Variants in JPT1 observed in about 807,000 individuals in gnomAD.
The protein encoded by JPT1 is androgen-regulated protein 2.
In JPT1, 5 loss-of-function variants were observed where a neutral mutation model predicts 17.0. The ratio of observed to expected loss-of-function variants is 0.29; its 90% CI spans 0.15 to 0.62. The LOEUF (loss-of-function observed/expected upper bound fraction) is 0.62. JPT1 is among the 20% of genes least tolerant of loss of function. The probability of loss-of-function intolerance (pLI) is 0.85; values close to 1 mark genes in which losing one functional copy is unlikely to be tolerated. For synonymous variants in JPT1, 71 were observed against 73.6 expected (o/e 0.96, Z 0.18); for missense variants, 158 against 188.1 (o/e 0.84, Z 0.94).
At chr17:75,145,270 C>T (rs139863635) in intron 4 of JPT1, 39 of 151,670 alleles carry the variant, frequency 2.6e-4, no homozygotes, top group African/African-American at 8.9e-4. Context: ...TGTAAGCACA[C>T]CACAAAACAT....
intron 1 of JPT1, among the ~76,000 whole-genome samples, chr17:75,149,680 A>G (rs1422348854): frequency 6.6e-6 from 1 of 152,134 alleles, no homozygotes; most frequent in East Asian, 1.9e-4. Context: ...AAAAGTAAAT[A>G]AATTTTAAAA....
chr17:75,148,943 G>A (rs2074491340), intron 1 of JPT1: 1 of 1,111,778 alleles, frequency 9.0e-7, no homozygotes, highest in Non-Finnish European at 1.2e-6. Flanking sequence ...ATAAATAACA[G>A]CCTGGTTGGT....
chr17:75,137,281 G>A (rs1403963016), intron 4 of JPT1, among the ~76,000 whole-genome samples: 1 of 151,974 alleles, frequency 6.6e-6, no homozygotes, highest in Non-Finnish European at 1.5e-5. Flanking sequence ...TCTATGAAAG[G>A]AAACTTTTAC....
Position 75,150,450 on chromosome 17 carries a change from G to T in JPT1, c.57-1779C>A, listed in dbSNP as rs777137298. On this transcript the variant is annotated intron_variant, in intron 1 of 4. Transcript: ENST00000409753. ...GTATTTTCAGTAGAGACGGGGTTTC[G>T]CCATGTTGGCCAGGCTGGTCTCGAA... 6.2e-4 allele frequency among the ~76,000 whole-genome samples: 94 copies of T among 152,052 alleles called. No individual in the cohort carries two copies. In the Middle Eastern group the frequency reaches 0.01, roughly 17 times the overall value.
chr17:75,138,677 A>C (rs1407167798), intron 4 of JPT1: 2 of 151,900 alleles, frequency 1.3e-5, no homozygotes, highest in Non-Finnish European at 2.9e-5. Flanking sequence ...CAAAGTACTC[A>C]GATTACAGGC....
rs1286277041 is a variant in JPT1 at position 75,135,855 on chromosome 17, C to T, written c.*247G>A. 1.4e-6 allele frequency: 1 copy of T among 701,014 alleles called. No individual in the cohort carries two copies. The highest frequency in any genetic ancestry group is 2.1e-5 in the South Asian group (1 of 47,066). 43.4% of individuals were successfully genotyped at this position (701,014 alleles called of 1,614,324 possible). A position where few individuals can be genotyped will look rare whatever the true frequency, so the allele number is the denominator to read the frequency against. On this transcript the variant is annotated 3_prime_UTR_variant, in exon 5 of 5. Transcript: ENST00000409753. ...ACCAAATTATTTCTTCTTAAAAACACAGTACTAAGTGTCACAAAGCTTTCC... is the reference window on the plus strand; with the variant it reads ...ACCAAATTATTTCTTCTTAAAAACATAGTACTAAGTGTCACAAAGCTTTCC...
chr17:75,142,836 C>T (rs748450413), intron 4 of JPT1: 7 of 453,884 alleles, frequency 1.5e-5, no homozygotes, highest in Non-Finnish European at 2.7e-5. Flanking sequence ...CGGTCCAATG[C>T]AAAAGTAACT....
At chr17:75,152,334 G>T (rs1165888537) in intron 1 of JPT1, among the ~76,000 whole-genome samples, 1 of 152,110 alleles carries the variant, frequency 6.6e-6, no homozygotes, top group Non-Finnish European at 1.5e-5. Flanking sequence ...TTAAAATCCT[G>T]AAGTTTCTGT....
Position 75,154,230 on chromosome 17 carries a change from G to A in JPT1, c.56+112C>T, listed in dbSNP as rs908712476. 5.8e-5 allele frequency: 44 copies of A among 756,378 alleles called. 1 individual carries two copies. The African/African-American group carries it at 7.8e-4, about 13-fold the overall frequency. The allele number at this position is 756,378 out of a possible 1,614,324, so 46.9% of individuals were successfully genotyped here. The stretch of plus-strand genomic sequence containing the variant: ...AGAACCCCGCCACCCGCCCCGGCGC[G>A]AGCACAGCGCACGGGGCTCGTTACC... On this transcript the variant is annotated intron_variant, in intron 1 of 4. Transcript: ENST00000409753.
At chr17:75,140,901 G>T (rs2074296159) in intron 4 of JPT1, among the ~76,000 whole-genome samples, 1 of 152,128 alleles carries the variant, frequency 6.6e-6, no homozygotes, top group Admixed American at 6.5e-5. Context: ...ACCGGCCTGG[G>T]CAAGATGGTG....
intron 4 of JPT1, among the ~76,000 whole-genome samples, chr17:75,140,272 T>C (rs1287419338): frequency 6.7e-6 from 1 of 150,210 alleles, no homozygotes; most frequent in African/African-American, 2.4e-5. Flanking sequence ...CTGCTGAAGA[T>C]AATTTAAAAA....
intron 4 of JPT1, among the ~76,000 whole-genome samples, chr17:75,143,427 C>T (rs527966426): frequency 9.2e-5 from 14 of 152,084 alleles, no homozygotes; most frequent in African/African-American, 3.4e-4. Flanking sequence ...GGTATAGTAG[C>T]GTGCACCTGT....
intron 4 of JPT1, among the ~76,000 whole-genome samples, chr17:75,138,225 G>T (rs1231180390): frequency 6.6e-6 from 1 of 151,662 alleles, no homozygotes; most frequent in Non-Finnish European, 1.5e-5. Flanking sequence ...GGCCTCCCAA[G>T]GTGCTGGGAT....
At chr17:75,137,685 CTTTTTTTTTTT>C (rs60118585) in intron 4 of JPT1, among the ~76,000 whole-genome samples, 75 of 112,844 alleles carry the variant, frequency 6.6e-4, no homozygotes, top group Non-Finnish European at 9.7e-4. Context: ...CCTAGTTTTC[CTTTTTTTTTTT>C]TTTTTTTTTT....
At position 75,136,149 on chromosome 17, in the gene JPT1, A is replaced by G. The variant is rs137995538; in HGVS notation, c.418T>C (p.Ser140Pro). 6.2e-7 allele frequency: 1 copy of G among 1,614,076 alleles called. No homozygotes were observed. Among genetic ancestry groups the G allele is most frequent in the African/African-American group, 1.3e-5 (1 of 74,946 alleles). Reference protein sequence around the residue: ...PSPVAPAPVPSRRNPPGGKSS... With the variant: ...PSPVAPAPVPPRRNPPGGKSS... ...TTGCCGCCAGGGGGATTTCTTCTGG[A>G]TGGCACTGGGGCCGGGGCCACCGGG... is the stretch of plus-strand genomic sequence containing the variant. The change falls in exon 5 of 5, where the codon TCC (serine) becomes CCC (proline). Residue 140 changes from serine to proline, a missense_variant. By Grantham distance (74) the Ser-to-Pro change is moderately conservative. Coordinates refer to ENST00000409753, the MANE Select transcript of JPT1 (RefSeq NM_016185.4).
chr17:75,147,729 T>G (rs1287992177), intron 2 of JPT1, 76 bp from the exon 3 acceptor site: 3 of 1,185,768 alleles, frequency 2.5e-6, no homozygotes, highest in African/African-American at 1.5e-5. Context: ...CTGGGCACGG[T>G]GGCTCATGCC....
intron 4 of JPT1, chr17:75,145,289 G>C (rs2074404738): frequency 2.0e-5 from 3 of 151,934 alleles, no homozygotes; most frequent in African/African-American, 7.3e-5. Flanking sequence ...ATAAGGGTAG[G>C]AAAAGGCCTT....
chr17:75,149,394 G>GT (rs2074501631), intron 1 of JPT1, among the ~76,000 whole-genome samples: 1 of 152,022 alleles, frequency 6.6e-6, no homozygotes, highest in South Asian at 2.1e-4. Flanking sequence ...TTGAGACGGA[G>GT]TCTCCCTCTG....
At chr17:75,151,693 G>A (rs2074556133) in intron 1 of JPT1, among the ~76,000 whole-genome samples, 1 of 151,836 alleles carries the variant, frequency 6.6e-6, no homozygotes, top group Non-Finnish European at 1.5e-5. Context: ...AATAAGGCAG[G>A]GCGCAGTGGC....
Sources: allele counts gnomAD v4.1 joint callset (sites outside exome capture counted in the v4.1 genomes callset), GRCh38; gene constraint gnomAD v4.1.1; transcripts MANE v1.5; gene names NCBI Gene and HGNC (gene_info 2026-07-23, HGNC 2026-07-21).